The following CHD6 variants were observed in gnomAD, a reference collection of about 807,000 sequenced individuals.
The protein encoded by CHD6 is chromodomain helicase DNA binding protein 6, also known as ATP-dependent chromatin remodeler CHD6.
In CHD6, 50 loss-of-function variants were observed where a neutral mutation model predicts 276.9. The ratio of observed to expected loss-of-function variants is 0.18; its 90% CI spans 0.14 to 0.23. The LOEUF (loss-of-function observed/expected upper bound fraction) is 0.23, where lower values mean the gene tolerates loss of function less well. CHD6 is among the 10% of genes least tolerant of loss of function. The pLI, the probability that CHD6 is intolerant of heterozygous loss-of-function variation, is 1.00. For missense variants in CHD6, 2,564 were observed against 3,365.8 expected, an observed-to-expected ratio of 0.76 and a Z score of 5.89; for synonymous variants, 1,173 against 1,229.3, an observed-to-expected ratio of 0.95 and a Z score of 0.96.
At chr20:41,523,833 C>T (rs568659664) in intron 3 of CHD6, among the ~76,000 whole-genome samples, 3 of 152,264 alleles carry the variant, frequency 2.0e-5, no homozygotes, top group East Asian at 3.9e-4. Flanking sequence ...GTCACGACAT[C>T]GTACTACTAT....
At chr20:41,498,537 GACT>G (rs1369052969) in intron 6 of CHD6, among the ~76,000 whole-genome samples, 1 of 152,156 alleles carries the variant, frequency 6.6e-6, no homozygotes, top group Non-Finnish European at 1.5e-5. Flanking sequence ...GTGTGGAAGT[GACT>G]ACATTCATCT....
chr20:41,563,707 T>C (rs1415214768), intron 1 of CHD6, among the ~76,000 whole-genome samples: 3 of 152,234 alleles, frequency 2.0e-5, no homozygotes. Flanking sequence ...AGCTATCATA[T>C]ATCACATTGT....
At chr20:41,478,618 A>T (rs1600963764) in intron 16 of CHD6, among the ~76,000 whole-genome samples, 1 of 152,306 alleles carries the variant, frequency 6.6e-6, no homozygotes, top group African/African-American at 2.4e-5. Context: ...GGGAACCCCA[A>T]ACTCTGGGTA....
At chr20:41,566,368 G>C (rs572482071) in intron 1 of CHD6, among the ~76,000 whole-genome samples, 7 of 152,202 alleles carry the variant, frequency 4.6e-5, no homozygotes, top group Admixed American at 1.3e-4. Flanking sequence ...CTAGCTTTTG[G>C]GGGGAATGGA....
chr20:41,544,201 C>A (rs1020612614), intron 2 of CHD6, among the ~76,000 whole-genome samples: 8 of 152,080 alleles, frequency 5.3e-5, no homozygotes, highest in Non-Finnish European at 8.8e-5. Flanking sequence ...GATTTTGCCA[C>A]TACACTCCAG....
chr20:41,482,127 T>C (rs1049493063), intron 16 of CHD6, among the ~76,000 whole-genome samples: 9 of 152,154 alleles, frequency 5.9e-5, no homozygotes, highest in East Asian at 1.9e-4. Flanking sequence ...GTCTGTTATA[T>C]ACACCTTTAC....
intron 2 of CHD6, among the ~76,000 whole-genome samples, chr20:41,533,811 G>A (rs568319544): frequency 3.3e-5 from 5 of 152,112 alleles, no homozygotes; most frequent in East Asian, 3.8e-4. Flanking sequence ...TCAAAGGTAG[G>A]CCTTTGATTT....
intron 25 of CHD6, among the ~76,000 whole-genome samples, chr20:41,442,529 C>A (rs543106223): frequency 6.6e-6 from 1 of 152,312 alleles, no homozygotes; most frequent in Admixed American, 6.5e-5. Context: ...AGCTCTACAG[C>A]TCATACTTAA....
At chr20:41,478,805 G>T (rs922321818) in intron 16 of CHD6, among the ~76,000 whole-genome samples, 1 of 152,152 alleles carries the variant, frequency 6.6e-6, no homozygotes, top group Non-Finnish European at 1.5e-5. Flanking sequence ...CAATATAACA[G>T]AATTCTAAAT....
At position 41,404,205 on chromosome 20, in the gene CHD6, C is replaced by T. The variant is rs562140152; in HGVS notation, c.*388G>A. ...CAACCCAGCTCACAGAAAAAGAGCT[C>T]CTCTTTGTCTCTGTTCTTCCACCCT... is the stretch of plus-strand genomic sequence containing the variant. On this transcript the variant is annotated 3_prime_UTR_variant, in exon 37 of 37. Transcript: ENST00000373233. 4 of 1,069,242 alleles carry T rather than the reference C, an allele frequency of 3.7e-6. No homozygotes were observed. The African/African-American group carries it at 6.5e-5, about 17-fold the overall frequency. The allele number at this position is 1,069,242 out of a possible 1,614,324, so 66.2% of individuals were successfully genotyped here.
At chr20:41,511,973 A>AT (rs11332008) in intron 5 of CHD6, among the ~76,000 whole-genome samples, 3 of 150,564 alleles carry the variant, frequency 2.0e-5, no homozygotes, top group Non-Finnish European at 3.0e-5. Context: ...AGACTTTTAC[A>AT]TTTTTTTTTT....
chr20:41,404,423 G>A lies in CHD6; in HGVS notation c.*170C>T, dbSNP rs1380036393. The stretch of plus-strand genomic sequence containing the variant: ...GACAACACTTATCTAATGAAGTGGT[G>A]AGACCCTGCAACTATTAACATCTGT... On this transcript the variant is annotated 3_prime_UTR_variant, in exon 37 of 37. Transcript: ENST00000373233. 2 of 1,317,148 alleles carry A rather than the reference G, an allele frequency of 1.5e-6. No individual in the cohort carries two copies. The highest frequency in any genetic ancestry group is 3.5e-5 in the Admixed American group (1 of 28,172). 81.6% of individuals were successfully genotyped at this position (1,317,148 alleles called of 1,614,324 possible). A position where few individuals can be genotyped will look rare whatever the true frequency, so the allele number is the denominator to read the frequency against.
At chr20:41,480,316 T>G (rs1391125128) in intron 16 of CHD6, among the ~76,000 whole-genome samples, 4 of 152,204 alleles carry the variant, frequency 2.6e-5, no homozygotes, top group Non-Finnish European at 5.9e-5. Flanking sequence ...AAGAGGAAAC[T>G]GATGTGTTGG....
intron 4 of CHD6, 64 bp downstream of exon 4, chr20:41,514,741 C>T: frequency 1.3e-6 from 2 of 1,556,902 alleles, no homozygotes; most frequent in South Asian, 1.2e-5. Context: ...GCAACACGAT[C>T]AGTGTCAGCC....
chr20:41,415,579 C>T lies in CHD6; in HGVS notation c.6546G>A (p.Glu2182=), dbSNP rs200454661. Residue 2182 remains glutamate (E), a synonymous_variant, in exon 34 of 37, where the codon GAG becomes GAA. Coordinates refer to ENST00000373233, the MANE Select transcript of CHD6 (RefSeq NM_032221.5). ...CCTTTGCATCCCTCTCCACCTCAAA[C>T]TCATAGGGACGCCTGTGCTTTTGTT... is the stretch of plus-strand genomic sequence containing the variant. The part of the protein sequence containing the change: ...KDEQKHRRPY[E]FEVERDAKAR... 53 of 1,613,078 alleles carry T rather than the reference C, an allele frequency of 3.3e-5. No individual in the cohort carries two copies. The highest frequency in any genetic ancestry group is 1.7e-4 in the Middle Eastern group (1 of 6,060).
intron 26 of CHD6, among the ~76,000 whole-genome samples, chr20:41,438,525 G>A (rs1176073990): frequency 6.6e-6 from 1 of 152,040 alleles, no homozygotes; most frequent in Non-Finnish European, 1.5e-5. Flanking sequence ...GGGAGGTGGA[G>A]GCTGCAATGA....
At chr20:41,508,984 T>G (rs6065363) in intron 5 of CHD6, among the ~76,000 whole-genome samples, 58,261 of 152,016 alleles carry the variant, frequency 0.38, 13,935 homozygotes, top group African/African-American at 0.66. Flanking sequence ...GTTCAACTAA[T>G]TAGGTCTTTA....
chr20:41,444,657 G>A (rs2048009263), intron 25 of CHD6, among the ~76,000 whole-genome samples: 1 of 152,080 alleles, frequency 6.6e-6, no homozygotes. Flanking sequence ...ATACGTATTA[G>A]AAAGTTAACA....
intron 1 of CHD6, among the ~76,000 whole-genome samples, chr20:41,615,844 T>C (rs569195030): frequency 6.6e-6 from 1 of 152,188 alleles, no homozygotes; most frequent in African/African-American, 2.4e-5. Flanking sequence ...CAGGAAGACA[T>C]AACCACAAAC....
Sources: allele counts gnomAD v4.1 joint callset (sites outside exome capture counted in the v4.1 genomes callset), GRCh38; gene constraint gnomAD v4.1.1; transcripts MANE v1.5; gene names NCBI Gene and HGNC (gene_info 2026-07-23, HGNC 2026-07-21).